The following SCAPER variants were observed in gnomAD, a reference collection of about 807,000 sequenced individuals.
SCAPER encodes the protein S phase cyclin A-associated protein in the endoplasmic reticulum.
A neutral mutation model predicts 182.2 loss-of-function variants in SCAPER; 98 were observed. That is an observed-to-expected ratio of 0.54 (90% CI 0.46 to 0.64). The LOEUF is 0.64. Among genes scored for constraint, SCAPER ranks in the 30% least tolerant of loss-of-function variants. The pLI, the probability that SCAPER is intolerant of heterozygous loss-of-function variation, is 0.00. For missense variants in SCAPER, 1,432 were observed against 1,690.0 expected, an observed-to-expected ratio of 0.85 and a Z score of 2.68; for synonymous variants, 605 against 564.6, an observed-to-expected ratio of 1.07 and a Z score of -1.01.
intron 5 of SCAPER, among the ~76,000 whole-genome samples, chr15:76,833,435 A>G (rs2068675716): frequency 1.3e-5 from 2 of 152,194 alleles, no homozygotes; most frequent in African/African-American, 2.4e-5. Flanking sequence ...ACTGACACGA[A>G]AAAGCAACTA....
Position 76,594,971 on chromosome 15 carries a change from A to C in SCAPER, c.2712-20687T>G, listed in dbSNP as rs1477314971. On this transcript the variant is annotated intron_variant, in intron 22 of 31. Transcript: ENST00000563290. ...AATAATGACAGGATGAAATTCACAC[A>C]TAACAATATTAACCTTAAACGTAAA... is the stretch of plus-strand genomic sequence containing the variant. Among the ~76,000 whole-genome samples, 5 of 121,828 alleles carry C rather than the reference A, an allele frequency of 4.1e-5. 2 individuals are homozygous for C. The highest frequency in any genetic ancestry group is 9.9e-5 in the Non-Finnish European group (5 of 50,316). The allele number at this position is 121,828 out of a possible 152,430, so 79.9% of individuals were successfully genotyped here.
rs541167464 is a variant in SCAPER, at chr15:76,849,398, T to C, written c.196-7467A>G. 2.0e-3 allele frequency among the ~76,000 whole-genome samples: 300 copies of C among 152,264 alleles called. 3 individuals are homozygous for C. The highest frequency in any genetic ancestry group is 6.5e-3 in the African/African-American group (272 of 41,546). ...CCCAAGGAGAGAAGGCCAGTCTGTCTCCCATGGGTCCCGCCCACCTCCTGT... is the reference window on the plus strand; with the variant it reads ...CCCAAGGAGAGAAGGCCAGTCTGTCCCCCATGGGTCCCGCCCACCTCCTGT... On this transcript the variant is annotated intron_variant, in intron 4 of 31. Transcript: ENST00000563290.
intron 7 of SCAPER, 38 bp from the exon 8 acceptor site, chr15:76,795,478 T>G: frequency 7.1e-7 from 1 of 1,398,746 alleles, no homozygotes; most frequent in Non-Finnish European, 9.4e-7. Flanking sequence ...AAATTAAATA[T>G]AAAAGAAAAA....
intron 26 of SCAPER, among the ~76,000 whole-genome samples, chr15:76,404,928 A>AT (rs986347261): frequency 1.9e-4 from 29 of 152,292 alleles, no homozygotes; most frequent in African/African-American, 7.0e-4. Context: ...AAAAAAATGA[A>AT]TGACAATGAT....
intron 8 of SCAPER, among the ~76,000 whole-genome samples, chr15:76,775,499 CA>C (rs1014518037): frequency 2.6e-5 from 4 of 151,992 alleles, no homozygotes; most frequent in African/African-American, 7.2e-5. Context: ...GAAACTGAGA[CA>C]AAGAGAAATT....
intron 20 of SCAPER, among the ~76,000 whole-genome samples, chr15:76,679,575 T>C (rs1413792461): frequency 6.6e-6 from 1 of 152,248 alleles, no homozygotes; most frequent in Non-Finnish European, 1.5e-5. Flanking sequence ...GATATACTTA[T>C]ATTTTTATCA....
intron 22 of SCAPER, among the ~76,000 whole-genome samples, chr15:76,611,730 A>AAAAAGCTT (rs758101565): frequency 2.4e-4 from 37 of 152,318 alleles, no homozygotes; most frequent in Non-Finnish European, 4.7e-4. Context: ...GTAGCACATC[A>AAAAAGCTT]AAAAGCTTAT....
intron 23 of SCAPER, among the ~76,000 whole-genome samples, chr15:76,524,837 A>G (rs1012681425): frequency 2.0e-5 from 3 of 151,838 alleles, no homozygotes; most frequent in Non-Finnish European, 4.4e-5. Flanking sequence ...CATACAGGGA[A>G]GATCTAAGTG....
chr15:76,884,684 A>AT (rs1568405271), intron 1 of SCAPER, among the ~76,000 whole-genome samples: 2 of 152,268 alleles, frequency 1.3e-5, no homozygotes, highest in Non-Finnish European at 2.9e-5. Flanking sequence ...ACCAGTAAAC[A>AT]TATGTCCGGA....
intron 20 of SCAPER, among the ~76,000 whole-genome samples, chr15:76,685,175 C>T (rs962720821): frequency 3.3e-5 from 5 of 151,934 alleles, no homozygotes; most frequent in African/African-American, 1.2e-4. Flanking sequence ...GCTTCCTTAA[C>T]TGAAAAGACT....
chr15:76,668,747 T>C (rs2056801510), intron 20 of SCAPER, among the ~76,000 whole-genome samples: 1 of 152,192 alleles, frequency 6.6e-6, no homozygotes. Flanking sequence ...TTTGTCTGTT[T>C]TGTTCACTGA....
At chr15:76,557,262 TA>T (rs888029838) in intron 23 of SCAPER, among the ~76,000 whole-genome samples, 1 of 152,150 alleles carries the variant, frequency 6.6e-6, no homozygotes, top group Non-Finnish European at 1.5e-5. Context: ...AAATCTATTT[TA>T]AAATTCATAT....
chr15:76,680,878 T>G (rs2057664001), intron 20 of SCAPER, among the ~76,000 whole-genome samples: 1 of 152,182 alleles, frequency 6.6e-6, no homozygotes, highest in Non-Finnish European at 1.5e-5. Flanking sequence ...GCCTCAGGTG[T>G]TCTTCTGAAG....
chr15:76,850,012 C>T (rs746953242), intron 4 of SCAPER, among the ~76,000 whole-genome samples: 3 of 152,116 alleles, frequency 2.0e-5, no homozygotes, highest in Non-Finnish European at 2.9e-5. Flanking sequence ...ATGGGGAAAA[C>T]CACCCCTATG....
At chr15:76,507,808 AAACT>A (rs1193886227) in intron 23 of SCAPER, among the ~76,000 whole-genome samples, 3 of 152,194 alleles carry the variant, frequency 2.0e-5, no homozygotes, top group Non-Finnish European at 4.4e-5. Flanking sequence ...CTTTGCAATA[AAACT>A]AACAATCAAA....
Position 76,492,985 on chromosome 15 carries a change from G to A in SCAPER, c.2954+11874C>T, listed in dbSNP as rs114481661. Among the ~76,000 whole-genome samples, 1,230 of 151,320 alleles carry A rather than the reference G, an allele frequency of 8.1e-3. 12 individuals carry two copies. The highest frequency in any genetic ancestry group is 0.028 in the African/African-American group (1,166 of 41,178). Reference sequence around the variant, plus strand: ...ACTGTGATGACTAGTGCAAACCTACGCTATCTACAATGCCTTCCCTGTCTT... The same window carrying A: ...ACTGTGATGACTAGTGCAAACCTACACTATCTACAATGCCTTCCCTGTCTT... On this transcript the variant is annotated intron_variant, in intron 24 of 31. Coordinates refer to ENST00000563290, the MANE Select transcript of SCAPER (RefSeq NM_020843.4).
At chr15:76,606,432 T>A (rs1280103357) in intron 22 of SCAPER, among the ~76,000 whole-genome samples, 1 of 152,210 alleles carries the variant, frequency 6.6e-6, no homozygotes, top group Non-Finnish European at 1.5e-5. Context: ...GTGCTTTACT[T>A]CCAACTATGT....
chr15:76,882,668 T>G (rs1210165554), intron 2 of SCAPER, among the ~76,000 whole-genome samples: 1 of 151,950 alleles, frequency 6.6e-6, no homozygotes, highest in Non-Finnish European at 1.5e-5. Context: ...TGCTCTTTCT[T>G]TTTTTCTTTT....
chr15:76,466,166 T>C lies in SCAPER; in HGVS notation c.3078+5046A>G, dbSNP rs551255535. ...TTTAAGTAAACTTTCTGCCCATTCC[T>C]TTCTCTCTTCTTCTTGTGAACTTTC... On this transcript the variant is annotated intron_variant, in intron 25 of 31. Coordinates refer to ENST00000563290, the MANE Select transcript of SCAPER (RefSeq NM_020843.4). Among the ~76,000 whole-genome samples, 189 of 152,190 alleles carry C rather than the reference T, an allele frequency of 1.2e-3. 2 individuals are homozygous for C. The highest frequency in any genetic ancestry group is 4.5e-3 in the African/African-American group (185 of 41,530).
Sources: gnomAD v4.1 joint callset for allele counts (sites outside exome capture counted in the v4.1 genomes callset) on GRCh38, gnomAD v4.1.1 for gene constraint, MANE v1.5 for transcripts, NCBI Gene and HGNC (gene_info 2026-07-23, HGNC 2026-07-21) for gene names.